STOX2: variants seen among roughly 807,000 people sequenced by gnomAD.
STOX2 encodes the protein storkhead-box protein 2.
In STOX2, 28 loss-of-function variants were observed where a neutral mutation model predicts 60.9. The ratio of observed to expected loss-of-function variants is 0.46; its 90% CI spans 0.34 to 0.63. The LOEUF (loss-of-function observed/expected upper bound fraction) is 0.63, where lower values mean the gene tolerates loss of function less well. Among genes scored for constraint, STOX2 ranks in the 30% least tolerant of loss-of-function variants. STOX2 has a pLI of 0.01. For synonymous variants in STOX2, 472 were observed against 463.9 expected (o/e 1.02, Z -0.22); for missense variants, 1,024 against 1,187.7 (o/e 0.86, Z 2.03).
At chr4:183,997,380 G>A (rs1461509385) in intron 1 of STOX2, among the ~76,000 whole-genome samples, 1 of 152,212 alleles carries the variant, frequency 6.6e-6, no homozygotes, top group Admixed American at 6.5e-5. Flanking sequence ...GATGGAGGTG[G>A]GAGTGGTCCT....
intron 1 of STOX2, among the ~76,000 whole-genome samples, chr4:183,967,448 C>T (rs756336615): frequency 2.0e-5 from 3 of 150,858 alleles, no homozygotes; most frequent in Admixed American, 1.3e-4. Flanking sequence ...TGTTTATCAT[C>T]GAGAAAGTGA....
intron 3 of STOX2, among the ~76,000 whole-genome samples, chr4:184,012,521 T>C (rs922703911): frequency 6.6e-6 from 1 of 152,254 alleles, no homozygotes; most frequent in Non-Finnish European, 1.5e-5. Flanking sequence ...ATCACACAGC[T>C]GGAACTGGGA....
At chr4:183,928,822 A>AC (rs1287419399) in intron 1 of STOX2, among the ~76,000 whole-genome samples, 3 of 152,050 alleles carry the variant, frequency 2.0e-5, no homozygotes, top group Non-Finnish European at 2.9e-5. Context: ...AAACAAACAA[A>AC]AAAAAAACAA....
chr4:183,898,056 T>C (rs553791964), intron 1 of STOX2, among the ~76,000 whole-genome samples: 111 of 152,360 alleles, frequency 7.3e-4, no homozygotes, highest in Admixed American at 1.2e-3. Flanking sequence ...TCATCTATCT[T>C]ATTTTAATTT....
Position 184,017,506 on chromosome 4 carries a change from G to T in STOX2, c.*222G>T. On this transcript the variant is annotated 3_prime_UTR_variant, in exon 4 of 4. Transcript: ENST00000308497. ...CTGTAGCAACTGAGTAACAGTAGGG[G>T]TGATATGTATACTTTTGCTTCACTA... The T allele has an allele frequency of 2.2e-6, 1 of 460,416 alleles. No homozygotes were observed. The highest frequency in any genetic ancestry group is 3.8e-6 in the Non-Finnish European group (1 of 260,058). 28.5% of individuals were successfully genotyped at this position (460,416 alleles called of 1,614,324 possible). A position where few individuals can be genotyped will look rare whatever the true frequency, so the allele number is the denominator to read the frequency against.
chr4:183,834,451 T>A (rs1258271265), intron 1 of STOX2, among the ~76,000 whole-genome samples: 1 of 151,980 alleles, frequency 6.6e-6, no homozygotes, highest in Non-Finnish European at 1.5e-5. Flanking sequence ...TCCTACAGTC[T>A]GCACAAGCAG....
intron 1 of STOX2, among the ~76,000 whole-genome samples, chr4:183,969,337 T>G (rs1560910842): frequency 6.6e-6 from 1 of 152,194 alleles, no homozygotes; most frequent in Non-Finnish European, 1.5e-5. Flanking sequence ...TACAGACAAC[T>G]TGTATTGATA....
chr4:183,808,905 C>G (rs2111098570), intron 1 of STOX2, among the ~76,000 whole-genome samples: 1 of 151,780 alleles, frequency 6.6e-6, no homozygotes, highest in South Asian at 2.1e-4. Context: ...AAAAAAATGG[C>G]AAAAAAAATC....
chr4:183,800,612 G>A (rs180829321), intron 1 of STOX2, among the ~76,000 whole-genome samples: 61 of 152,254 alleles, frequency 4.0e-4, no homozygotes, highest in African/African-American at 1.3e-3. Context: ...TACAGGAGGC[G>A]CATTACATTC....
Position 183,921,406 on chromosome 4 carries a change from A to G in STOX2, c.166+14450A>G, listed in dbSNP as rs148397510. On this transcript the variant is annotated intron_variant, in intron 1 of 3. Coordinates refer to ENST00000308497, the MANE Select transcript of STOX2 (RefSeq NM_020225.3). Reference sequence around the variant, plus strand: ...GGATCAGTGAACTGGTTTAGAGTACATTAGATGTATATTACAAATCTTCCT... The same window carrying G: ...GGATCAGTGAACTGGTTTAGAGTACGTTAGATGTATATTACAAATCTTCCT... 4.3e-4 allele frequency among the ~76,000 whole-genome samples: 66 copies of G among 152,358 alleles called. 1 individual carries two copies. The East Asian group carries it at 0.01, about 24-fold the overall frequency.
chr4:183,933,198 TATTGGAGTTTGTGGACAGACAC>T (rs1457197298), intron 1 of STOX2, among the ~76,000 whole-genome samples: 4 of 152,208 alleles, frequency 2.6e-5, no homozygotes, highest in African/African-American at 9.6e-5. Context: ...GTACAACATT[TATTGGAGTTTGTGGACAGACAC>T]AAATACCGTG....
chr4:183,965,443 C>A (rs1246091963), intron 1 of STOX2, among the ~76,000 whole-genome samples: 1 of 152,148 alleles, frequency 6.6e-6, no homozygotes, highest in East Asian at 1.9e-4. Flanking sequence ...TGACCAAATT[C>A]TGTTCACTTT....
At chr4:183,940,718 G>A (rs1490845359) in intron 1 of STOX2, among the ~76,000 whole-genome samples, 1 of 152,154 alleles carries the variant, frequency 6.6e-6, no homozygotes, top group African/African-American at 2.4e-5. Context: ...TAATCAGCAG[G>A]ATTTGAAAGC....
At chr4:183,880,545 TA>T (rs1485840599) in intron 1 of STOX2, among the ~76,000 whole-genome samples, 1 of 152,206 alleles carries the variant, frequency 6.6e-6, no homozygotes, top group Non-Finnish European at 1.5e-5. Flanking sequence ...GAGATAAAGA[TA>T]ATTTTTTCAT....
intron 1 of STOX2, among the ~76,000 whole-genome samples, chr4:183,944,261 G>T (rs1434075684): frequency 6.6e-6 from 1 of 152,206 alleles, no homozygotes; most frequent in Non-Finnish European, 1.5e-5. Flanking sequence ...ACTCCTCCAT[G>T]TCCTGGGAAA....
intron 1 of STOX2, among the ~76,000 whole-genome samples, chr4:183,819,264 T>C (rs542560200): frequency 2.2e-4 from 33 of 152,152 alleles, no homozygotes; most frequent in African/African-American, 7.9e-4. Flanking sequence ...CATTGAGCAC[T>C]GAGTGAACGA....
chr4:183,837,505 C>CTGAA (rs1230500378), intron 1 of STOX2, among the ~76,000 whole-genome samples: 1 of 151,848 alleles, frequency 6.6e-6, no homozygotes, highest in Non-Finnish European at 1.5e-5. Flanking sequence ...GTCACTCAGG[C>CTGAA]TGAAGTGCAG....
At chr4:183,833,606 T>C (rs1349319363) in intron 1 of STOX2, among the ~76,000 whole-genome samples, 1 of 150,910 alleles carries the variant, frequency 6.6e-6, no homozygotes, top group Non-Finnish European at 1.5e-5. Context: ...CTGATGAAAA[T>C]GATACAGGCT....
rs1734442046 is a variant in STOX2, at chr4:184,017,774, A to T, written c.*490A>T. Reference sequence around the variant, plus strand: ...TAAGCTACCACGAAATGTCAAATGCAAGGGTCCACCTTGAGGGAAATAGAT... The same window carrying T: ...TAAGCTACCACGAAATGTCAAATGCTAGGGTCCACCTTGAGGGAAATAGAT... On this transcript the variant is annotated 3_prime_UTR_variant, in exon 4 of 4. Transcript: ENST00000308497. 1 of 152,220 alleles carries T rather than the reference A, an allele frequency of 6.6e-6. No individual in the cohort carries two copies. Among genetic ancestry groups the T allele is most frequent in the Non-Finnish European group, 1.5e-5 (1 of 68,072 alleles). The allele number at this position is 152,220 out of a possible 1,614,324, so 9.4% of individuals were successfully genotyped here. A position where few individuals can be genotyped will look rare whatever the true frequency, so the allele number is the denominator to read the frequency against.
Sources: gnomAD v4.1 joint callset for allele counts (sites outside exome capture counted in the v4.1 genomes callset) on GRCh38, gnomAD v4.1.1 for gene constraint, MANE v1.5 for transcripts, NCBI Gene and HGNC (gene_info 2026-07-23, HGNC 2026-07-21) for gene names.